The following TENM3 variants were observed in gnomAD, a reference collection of about 807,000 sequenced individuals.
The protein encoded by TENM3 is teneurin-3.
TENM3 carries 63 observed loss-of-function variants against 255.1 expected under a neutral mutation model. The ratio of observed to expected loss-of-function variants is 0.25; its 90% CI spans 0.20 to 0.30. The LOEUF is 0.30. Among genes scored for constraint, TENM3 ranks in the 10% least tolerant of loss-of-function variants. TENM3 has a pLI of 1.00. For synonymous variants in TENM3, 1,306 were observed against 1,322.3 expected, an observed-to-expected ratio of 0.99 and a Z score of 0.27; for missense variants, 2,929 against 3,461.1, an observed-to-expected ratio of 0.85 and a Z score of 3.86.
chr4:182,759,856 C>A (rs1019012254), intron 22 of TENM3, among the ~76,000 whole-genome samples: 9 of 152,104 alleles, frequency 5.9e-5, no homozygotes, highest in African/African-American at 9.7e-5. Flanking sequence ...TGCTTCTTGG[C>A]GGCAGTTTCT....
At chr4:181,913,025 T>C in the TENM3 span, among the ~76,000 whole-genome samples, 1 of 152,102 alleles carries the variant, frequency 6.6e-6, no homozygotes, top group Non-Finnish European at 1.5e-5. Context: ...AAGGGTCACA[T>C]GTTTGATTTT....
chr4:181,878,761 G>A, the TENM3 span, among the ~76,000 whole-genome samples: 3 of 151,308 alleles, frequency 2.0e-5, no homozygotes, highest in Middle Eastern at 3.2e-3. Flanking sequence ...CCATCCATGC[G>A]TGCATCCATC....
chr4:181,694,980 T>C, the TENM3 span, among the ~76,000 whole-genome samples: 3 of 136,444 alleles, frequency 2.2e-5, no homozygotes, highest in Non-Finnish European at 5.1e-5. Context: ...CAGTCCAACC[T>C]ATAATTAAGA....
At chr4:181,712,294 TG>T in the TENM3 span, among the ~76,000 whole-genome samples, 10 of 152,154 alleles carry the variant, frequency 6.6e-5, no homozygotes, top group Non-Finnish European at 1.3e-4. Context: ...GATTGGATCA[TG>T]GGGGTGGATC....
chr4:182,274,054 G>C (rs1759831164), intron 1 of TENM3, among the ~76,000 whole-genome samples: 1 of 152,178 alleles, frequency 6.6e-6, no homozygotes, highest in South Asian at 2.1e-4. Context: ...GAAACATATA[G>C]GGACAGTCTT....
chr4:182,470,597 C>T (rs1317952800), intron 3 of TENM3, among the ~76,000 whole-genome samples: 1 of 152,174 alleles, frequency 6.6e-6, no homozygotes, highest in African/African-American at 2.4e-5. Context: ...TCCTTGGTTA[C>T]TCTTTGCCAA....
intron 12 of TENM3, among the ~76,000 whole-genome samples, chr4:182,703,981 A>C (rs1467486474): frequency 6.6e-6 from 1 of 152,138 alleles, no homozygotes; most frequent in Non-Finnish European, 1.5e-5. Context: ...ATTTTTCCTA[A>C]ATCTTAAATA....
Position 182,679,753 on chromosome 4 carries a change from G to A in TENM3, c.1414G>A (p.Ala472Thr), listed in dbSNP as rs755219871. The A allele has an allele frequency of 2.3e-5, 37 of 1,613,790 alleles. 1 individual carries two copies. Among genetic ancestry groups the A allele is most frequent in the South Asian group, 3.3e-5 (3 of 91,080 alleles). ...TGAGACGGAGAGAGCCGGGCGGCAG[G>A]CGAGATCCGTCAGCCTTCATGAGGC... ...LLETERAGRQ[A>T]RSVSLHEAGF... Residue 472 changes from alanine to threonine, a missense_variant, in exon 8 of 28, where the codon GCG becomes ACG. Ala to Thr is a moderately conservative substitution (Grantham distance 58). Coordinates refer to ENST00000511685, the MANE Select transcript of TENM3 (RefSeq NM_001080477.4).
At chr4:181,895,672 G>A in the TENM3 span, among the ~76,000 whole-genome samples, 1 of 151,066 alleles carries the variant, frequency 6.6e-6, no homozygotes, top group East Asian at 2.0e-4. Context: ...AGCCTCCTGG[G>A]TAGCTGGGAC....
the TENM3 span, among the ~76,000 whole-genome samples, chr4:181,486,497 T>C: frequency 6.6e-6 from 1 of 152,194 alleles, no homozygotes; most frequent in Admixed American, 6.5e-5. Context: ...AAATTAGATA[T>C]ATAAAAAAGG....
the TENM3 span, among the ~76,000 whole-genome samples, chr4:182,040,807 TTTG>T: frequency 1.3e-5 from 2 of 152,190 alleles, no homozygotes; most frequent in Admixed American, 6.6e-5. Context: ...TCCATGGTTT[TTTG>T]TTGTTGTTGT....
At chr4:182,006,723 A>C in the TENM3 span, among the ~76,000 whole-genome samples, 2 of 149,316 alleles carry the variant, frequency 1.3e-5, no homozygotes, top group African/African-American at 4.9e-5. Flanking sequence ...TCGTGTTTCT[A>C]TCTCTTTCAA....
At chr4:182,103,067 T>G in the TENM3 span, among the ~76,000 whole-genome samples, 1 of 152,224 alleles carries the variant, frequency 6.6e-6, no homozygotes, top group Non-Finnish European at 1.5e-5. Context: ...CAAAATAATG[T>G]TTTTTACAAG....
intron 3 of TENM3, among the ~76,000 whole-genome samples, chr4:182,535,957 T>C (rs9994733): frequency 0.29 from 44,788 of 152,024 alleles, 7,207 homozygotes; most frequent in South Asian, 0.38. Flanking sequence ...ACACATTTTT[T>C]ATTTTATTTT....
the TENM3 span, among the ~76,000 whole-genome samples, chr4:181,893,695 T>C: frequency 6.6e-6 from 1 of 152,124 alleles, no homozygotes; most frequent in South Asian, 2.1e-4. Context: ...AATGCTTTTG[T>C]TAGTATTTGG....
chr4:182,633,363 C>T (rs77757808), intron 5 of TENM3, among the ~76,000 whole-genome samples: 9 of 152,196 alleles, frequency 5.9e-5, no homozygotes, highest in African/African-American at 2.2e-4. Context: ...TCATTCTAGA[C>T]GCTCATAGTC....
At chr4:181,819,904 G>A in the TENM3 span, 1 of 151,752 alleles carries the variant, frequency 6.6e-6, no homozygotes, top group Non-Finnish European at 1.5e-5. Flanking sequence ...AGTAACTGTG[G>A]TTCTCAAAAT....
At chr4:182,292,665 G>A (rs1031627963) in intron 1 of TENM3, among the ~76,000 whole-genome samples, 41 of 152,260 alleles carry the variant, frequency 2.7e-4, no homozygotes, top group African/African-American at 7.9e-4. Flanking sequence ...GAAAGTGGGC[G>A]TTGAACCCTC....
At chr4:182,037,809 C>T in the TENM3 span, among the ~76,000 whole-genome samples, 5 of 152,196 alleles carry the variant, frequency 3.3e-5, no homozygotes, top group South Asian at 6.2e-4. Flanking sequence ...TCCTACGTAA[C>T]GACACTGAGG....
Sources: gnomAD v4.1 joint callset for allele counts (sites outside exome capture counted in the v4.1 genomes callset) on GRCh38, gnomAD v4.1.1 for gene constraint, MANE v1.5 for transcripts, NCBI Gene and HGNC (gene_info 2026-07-23, HGNC 2026-07-21) for gene names.